The following ERICH1 variants were observed in gnomAD, a reference collection of about 807,000 sequenced individuals.
ERICH1 encodes the protein glutamate-rich protein 1.
In ERICH1, 56 loss-of-function variants were observed where a neutral mutation model predicts 39.6. The ratio of observed to expected loss-of-function variants is 1.41; its 90% CI spans 1.14 to 1.77. The LOEUF is 1.77. Ranked by LOEUF, ERICH1 falls within the 40% of genes most tolerant of loss-of-function variation. The pLI is 0.00. For missense variants in ERICH1, 826 were observed against 575.4 expected, an observed-to-expected ratio of 1.44 and a Z score of -4.45; for synonymous variants, 313 against 223.6, an observed-to-expected ratio of 1.40 and a Z score of -3.57.
chr8:617,418 G>A (rs1032445962), intron 3 of ERICH1, among the ~76,000 whole-genome samples: 8 of 152,138 alleles, frequency 5.3e-5, no homozygotes, highest in African/African-American at 1.7e-4. Flanking sequence ...TACTACCTGC[G>A]TGTTTATCCA....
intron 3 of ERICH1, among the ~76,000 whole-genome samples, chr8:633,524 A>C (rs1798184063): frequency 1.3e-5 from 2 of 152,206 alleles, no homozygotes; most frequent in Non-Finnish European, 2.9e-5. Flanking sequence ...TTTCTCAGAG[A>C]AACAGAAAAA....
intron 2 of ERICH1, among the ~76,000 whole-genome samples, chr8:702,472 A>C (rs1027322148): frequency 6.6e-6 from 1 of 152,198 alleles, no homozygotes; most frequent in Non-Finnish European, 1.5e-5. Context: ...CAGACACACA[A>C]AGACAGCAGA....
chr8:643,477 G>A (rs1267632185), intron 3 of ERICH1, among the ~76,000 whole-genome samples: 5 of 152,166 alleles, frequency 3.3e-5, no homozygotes, highest in African/African-American at 1.2e-4. Context: ...GGACTGTCAC[G>A]GTGATGGGGG....
At chr8:662,890 G>A (rs10102571), downstream of ERICH1, among the ~76,000 whole-genome samples, 43,407 of 151,960 alleles carry the variant, frequency 0.29, 7,837 homozygotes, top group Non-Finnish European at 0.41. Flanking sequence ...CGGGCAGGGC[G>A]CCCTGCAGAC....
intron 3 of ERICH1, among the ~76,000 whole-genome samples, chr8:683,992 T>C (rs1806744526): frequency 6.6e-6 from 1 of 152,256 alleles, no homozygotes; most frequent in African/African-American, 2.4e-5. Context: ...CTCAAGAAAT[T>C]GTTCTTATGT....
At chr8:682,109 G>C (rs113608171) in intron 3 of ERICH1, among the ~76,000 whole-genome samples, 1 of 149,802 alleles carries the variant, frequency 6.7e-6, no homozygotes, top group Non-Finnish European at 1.5e-5. Context: ...CTCTGCCCCC[G>C]TGTAAAACCC....
In ERICH1 at chr8:658,913, G is replaced by C. The variant is rs138861789; in HGVS notation, c.976+9685C>G. Among the ~76,000 whole-genome samples the C allele has an allele frequency of 7.9e-5, 12 of 152,102 alleles. 1 individual carries two copies. Among genetic ancestry groups the C allele is most frequent in the Admixed American group, 6.5e-4 (10 of 15,274 alleles). On this transcript the variant is annotated intron_variant, in intron 3 of 3. Transcript: ENST00000522706. ...TCTGCCTTTCCTTCACTTGCTCTGCGACCCAGGGGCCCTTACCAGGCTCTG... is the reference window on the plus strand; with the variant it reads ...TCTGCCTTTCCTTCACTTGCTCTGCCACCCAGGGGCCCTTACCAGGCTCTG...
In ERICH1 at chr8:641,831, C is replaced by T. The variant is rs543853646; in HGVS notation, c.977-26547G>A. Among the ~76,000 whole-genome samples the T allele has an allele frequency of 3.9e-5, 6 of 152,346 alleles. No homozygotes were observed. The South Asian group carries it at 8.3e-4, about 21-fold the overall frequency. On this transcript the variant is annotated intron_variant, in intron 3 of 3. Coordinates refer to the ERICH1 transcript ENST00000522706. The stretch of plus-strand genomic sequence containing the variant: ...TGCCCAGACCTCATCAGAATCAACG[C>T]CCCGGCTCTGTGCTGGCCAAAACCC...
Position 634,183 on chromosome 8 carries a change from A to AAACAAAC in ERICH1, c.977-18900_977-18899insGTTTGTT, listed in dbSNP as rs1554481907. 6.8e-4 allele frequency among the ~76,000 whole-genome samples: 92 copies of AAACAAAC among 135,846 alleles called. 3 individuals are homozygous for AAACAAAC. The highest frequency in any genetic ancestry group is 7.4e-3 in the Middle Eastern group (2 of 272). 89.1% of individuals were successfully genotyped at this position (135,846 alleles called of 152,430 possible). ...TCCTAAAACTCAAAAAAAAAAAAAA[A>AAACAAAC]AAACAAACAAAAAAAACCCTGATTC... On this transcript the variant is annotated intron_variant, in intron 3 of 3. Coordinates refer to the ERICH1 transcript ENST00000522706.
At chr8:709,177 C>T (rs764819126) in intron 2 of ERICH1, among the ~76,000 whole-genome samples, 6 of 152,308 alleles carry the variant, frequency 3.9e-5, no homozygotes, top group East Asian at 1.9e-4. Context: ...CCTTGTGACA[C>T]GACCTGATCA....
chr8:659,988 T>G (rs538406496), downstream of ERICH1, among the ~76,000 whole-genome samples: 127 of 152,344 alleles, frequency 8.3e-4, no homozygotes, highest in African/African-American at 2.7e-3. Context: ...GATCCTGGCC[T>G]CAAGCCCCCC....
At chr8:720,801 G>C (rs1480450531) in intron 1 of ERICH1, among the ~76,000 whole-genome samples, 1 of 152,190 alleles carries the variant, frequency 6.6e-6, no homozygotes. Flanking sequence ...CTAGAACCTA[G>C]TGAAGGAAAA....
chr8:706,605 C>G (rs1411298215), intron 2 of ERICH1, among the ~76,000 whole-genome samples: 1 of 152,122 alleles, frequency 6.6e-6, no homozygotes, highest in South Asian at 2.1e-4. Flanking sequence ...GAAACCCCAT[C>G]TCTACTAAAA....
chr8:673,953 T>C lies in ERICH1; in HGVS notation c.399A>G (p.Gln133=), dbSNP rs762635074. Residue 133 remains glutamine, a synonymous_variant, in exon 4 of 6, where the codon CAA becomes CAG. Transcript: ENST00000262109. The part of the protein sequence containing the change: ...FKNPNNVLIE[Q]AELEKQQSLL... Reference sequence around the variant, plus strand: ...GACTCTGCTGTTTCTCTAATTCTGCTTGTTCTATAAGAACATTATTGGGAT... The same window carrying C: ...GACTCTGCTGTTTCTCTAATTCTGCCTGTTCTATAAGAACATTATTGGGAT... 1.9e-6 allele frequency: 3 copies of C among 1,610,016 alleles called. No individual in the cohort carries two copies. Among genetic ancestry groups the C allele is most frequent in the Non-Finnish European group, 2.5e-6 (3 of 1,179,432 alleles).
intron 2 of ERICH1, among the ~76,000 whole-genome samples, chr8:702,781 A>G (rs966867451): frequency 1.3e-5 from 2 of 152,186 alleles, no homozygotes; most frequent in African/African-American, 4.8e-5. Context: ...TTCGGCCAGC[A>G]CAGCCTTGGT....
rs983232757 is a variant in ERICH1 at position 626,878 on chromosome 8, T to C, written c.977-11594A>G. ...TGTCCAGGGAGAGCTAAGGAAATGCTGGCGGTTGGAACCTGTTCATTCTTG... is the reference window on the plus strand; with the variant it reads ...TGTCCAGGGAGAGCTAAGGAAATGCCGGCGGTTGGAACCTGTTCATTCTTG... On this transcript the variant is annotated intron_variant, in intron 3 of 3. Transcript: ENST00000522706. 1.4e-5 allele frequency: 4 copies of C among 295,794 alleles called. No individual in the cohort carries two copies. The East Asian group carries it at 3.1e-4, about 23-fold the overall frequency. 18.3% of individuals were successfully genotyped at this position (295,794 alleles called of 1,614,324 possible).
chr8:651,513 C>T (rs1372498467), intron 3 of ERICH1, among the ~76,000 whole-genome samples: 1 of 152,130 alleles, frequency 6.6e-6, no homozygotes, highest in South Asian at 2.1e-4. Context: ...CAGGAGCCAG[C>T]CCGGAGAGGC....
chr8:718,962 G>A (rs536043784), intron 1 of ERICH1, among the ~76,000 whole-genome samples: 1 of 152,016 alleles, frequency 6.6e-6, no homozygotes, highest in South Asian at 2.1e-4. Flanking sequence ...TTCTCTGTGC[G>A]CTCCCATCTG....
At position 648,505 on chromosome 8, in the gene ERICH1, A is replaced by C. The variant is rs1372441608; in HGVS notation, c.976+20093T>G. Among the ~76,000 whole-genome samples, 350 of 57,344 alleles carry C rather than the reference A, an allele frequency of 6.1e-3. 96 individuals carry two copies. Among genetic ancestry groups the C allele is most frequent in the African/African-American group, 0.016 (332 of 21,232 alleles). 37.6% of individuals were successfully genotyped at this position (57,344 alleles called of 152,430 possible). A position where few individuals can be genotyped will look rare whatever the true frequency, so the allele number is the denominator to read the frequency against. On this transcript the variant is annotated intron_variant, in intron 3 of 3. Coordinates refer to the ERICH1 transcript ENST00000522706. ...GGTCACCAGAGGAAAGAAAAAGCAA[A>C]AAAAAAAAAAAAAAAAAAGAATGTA...
Sources: allele counts gnomAD v4.1 joint callset (sites outside exome capture counted in the v4.1 genomes callset), GRCh38; gene constraint gnomAD v4.1.1; transcripts MANE v1.5; gene names NCBI Gene and HGNC (gene_info 2026-07-23, HGNC 2026-07-21).